CACNA1E: variants seen among roughly 807,000 people sequenced by gnomAD.
The protein encoded by CACNA1E is calcium voltage-gated channel subunit alpha1 E.
Under a neutral mutation model 259.2 loss-of-function variants are expected in CACNA1E, and 40 were observed. The ratio of observed to expected loss-of-function variants is 0.15; its 90% CI spans 0.12 to 0.20. CACNA1E has a LOEUF of 0.20. Ranked by LOEUF, CACNA1E falls within the 10% of genes least tolerant of loss-of-function variation. The pLI, the probability that CACNA1E is intolerant of heterozygous loss-of-function variation, is 1.00. For synonymous variants in CACNA1E, 1,104 were observed against 1,138.5 expected (o/e 0.97, Z 0.61); for missense variants, 1,874 against 3,040.1 (o/e 0.62, Z 9.02).
chr1:181,763,135 C>T (rs183049156), intron 33 of CACNA1E, among the ~76,000 whole-genome samples: 3 of 152,218 alleles, frequency 2.0e-5, no homozygotes, highest in East Asian at 1.9e-4. Context: ...GACTTCAGGC[C>T]ACTCAGTAGA....
At chr1:181,749,808 G>A (rs1009968211) in intron 25 of CACNA1E, among the ~76,000 whole-genome samples, 1 of 152,204 alleles carries the variant, frequency 6.6e-6, no homozygotes, top group Non-Finnish European at 1.5e-5. Context: ...TGCTCACAAT[G>A]GACTGGCGGT....
chr1:181,719,442 G>A (rs1654228081), intron 12 of CACNA1E, among the ~76,000 whole-genome samples: 1 of 152,184 alleles, frequency 6.6e-6, no homozygotes, highest in South Asian at 2.1e-4. Flanking sequence ...CAGTTTCCTT[G>A]GTTTGAGTAC....
intron 1 of CACNA1E, among the ~76,000 whole-genome samples, chr1:181,359,678 C>T (rs1249373989): frequency 6.6e-6 from 1 of 152,160 alleles, no homozygotes; most frequent in Non-Finnish European, 1.5e-5. Flanking sequence ...TTTAAAATTC[C>T]TCCCGAGCTT....
chr1:181,751,404 T>G (rs1346064204), intron 26 of CACNA1E, among the ~76,000 whole-genome samples: 1 of 152,224 alleles, frequency 6.6e-6, no homozygotes, highest in Non-Finnish European at 1.5e-5. Flanking sequence ...AGTGGCTCTC[T>G]GCAGCCTGTG....
At chr1:181,716,158 G>A (rs1401380923) in intron 10 of CACNA1E, 29 bp downstream of exon 10, 1 of 1,358,410 alleles carries the variant, frequency 7.4e-7, no homozygotes. Flanking sequence ...ATCTTTTACT[G>A]CTCTGAATCT....
intron 6 of CACNA1E, among the ~76,000 whole-genome samples, chr1:181,617,504 A>G (rs765911752): frequency 1.1e-4 from 17 of 152,254 alleles, no homozygotes; most frequent in Middle Eastern, 3.4e-3. Context: ...TCCCTTGAGG[A>G]CTTTTGTTCT....
chr1:181,603,560 C>T (rs1014803037), intron 6 of CACNA1E, among the ~76,000 whole-genome samples: 4 of 152,138 alleles, frequency 2.6e-5, no homozygotes, highest in East Asian at 1.9e-4. Context: ...CCCCCTCCCC[C>T]GCCCCCGCCA....
intron 6 of CACNA1E, among the ~76,000 whole-genome samples, chr1:181,620,511 C>T (rs965103149): frequency 1.3e-5 from 2 of 152,164 alleles, no homozygotes; most frequent in Non-Finnish European, 2.9e-5. Context: ...GGCTGGAGAT[C>T]ATGTGCTGAG....
intron 1 of CACNA1E, among the ~76,000 whole-genome samples, chr1:181,499,115 G>A (rs981515265): frequency 2.0e-5 from 3 of 152,136 alleles, no homozygotes; most frequent in Non-Finnish European, 4.4e-5. Context: ...AACTCAATAG[G>A]CAATGGACTT....
intron 3 of CACNA1E, among the ~76,000 whole-genome samples, chr1:181,515,250 A>G (rs1422058817): frequency 6.6e-6 from 1 of 152,156 alleles, no homozygotes; most frequent in East Asian, 1.9e-4. Context: ...ACAGGGGCCC[A>G]ATGTGTCCAT....
intron 1 of CACNA1E, 56 bp from the exon 2 acceptor site, chr1:181,510,421 A>G (rs1215423117): frequency 2.6e-6 from 3 of 1,170,790 alleles, no homozygotes; most frequent in Admixed American, 1.7e-5. Context: ...GGGCACGGCC[A>G]TCTTGGAGGC....
chr1:181,474,091 CTTT>C, intron 2 of CACNA1E, among the ~76,000 whole-genome samples: 1 of 151,918 alleles, frequency 6.6e-6, no homozygotes. Context: ...GTCCATTTTT[CTTT>C]TTTTTACAGC....
At chr1:181,718,662 A>ACACACC (rs1654150636) in intron 12 of CACNA1E, among the ~76,000 whole-genome samples, 4 of 139,320 alleles carry the variant, frequency 2.9e-5, no homozygotes, top group African/African-American at 1.1e-4. Flanking sequence ...ACACACACAC[A>ACACACC]CACACCCTTA....
chr1:181,723,768 A>G (rs959901216), intron 16 of CACNA1E, among the ~76,000 whole-genome samples: 2 of 152,188 alleles, frequency 1.3e-5, no homozygotes, highest in African/African-American at 2.4e-5. Flanking sequence ...ATTATAAAGG[A>G]TATTACAAAG....
intron 6 of CACNA1E, among the ~76,000 whole-genome samples, chr1:181,590,842 T>C (rs2103022002): frequency 6.7e-6 from 1 of 149,794 alleles, no homozygotes; most frequent in South Asian, 2.2e-4. Flanking sequence ...AGCTGGTATC[T>C]GTGGATGGGC....
chr1:181,439,749 T>G (rs17493278), intron 2 of CACNA1E, among the ~76,000 whole-genome samples: 3,289 of 152,306 alleles, frequency 0.022, 56 homozygotes, highest in South Asian at 0.054. Context: ...TAACATGTCA[T>G]ATGGTCACAG....
chr1:181,673,624 G>A (rs1302820054), intron 7 of CACNA1E, among the ~76,000 whole-genome samples: 1 of 152,158 alleles, frequency 6.6e-6, no homozygotes, highest in African/African-American at 2.4e-5. Flanking sequence ...GAGAGCAGAT[G>A]GTCCACTGCC....
At chr1:181,685,467 G>A (rs1280841199) in intron 7 of CACNA1E, among the ~76,000 whole-genome samples, 1 of 152,074 alleles carries the variant, frequency 6.6e-6, no homozygotes, top group African/African-American at 2.4e-5. Flanking sequence ...TTCCTTACTG[G>A]AGGTCAGTCA....
chr1:181,549,857 G>T (rs1156329990), intron 3 of CACNA1E, among the ~76,000 whole-genome samples: 2 of 152,190 alleles, frequency 1.3e-5, no homozygotes, highest in Non-Finnish European at 2.9e-5. Context: ...GGCGGAGAGT[G>T]GGGGTGAACA....
Sources: gnomAD v4.1 joint callset for allele counts (sites outside exome capture counted in the v4.1 genomes callset) on GRCh38, gnomAD v4.1.1 for gene constraint, MANE v1.5 for transcripts, NCBI Gene and HGNC (gene_info 2026-07-23, HGNC 2026-07-21) for gene names.